NEGR1: variants seen among roughly 807,000 people sequenced by gnomAD.
NEGR1 encodes IgLON family member 4.
NEGR1 carries 10 observed loss-of-function variants against 40.9 expected under a neutral mutation model. The ratio of observed to expected loss-of-function variants is 0.24; its 90% CI spans 0.15 to 0.42. The LOEUF (loss-of-function observed/expected upper bound fraction) is 0.42, where lower values mean the gene tolerates loss of function less well. Among genes scored for constraint, NEGR1 ranks in the 10% least tolerant of loss-of-function variants. NEGR1 has a pLI of 1.00. For missense variants in NEGR1, 352 were observed against 438.9 expected (o/e 0.80, Z 1.77); for synonymous variants, 185 against 166.8 (o/e 1.11, Z -0.84).
At chr1:71,753,097 TAA>T (rs1404733406) in intron 3 of NEGR1, among the ~76,000 whole-genome samples, 1 of 152,120 alleles carries the variant, frequency 6.6e-6, no homozygotes. Flanking sequence ...GATGAAATAC[TAA>T]GAGTCCCAGG....
In NEGR1 at chr1:71,948,332, C is replaced by T. The variant is rs551189974; in HGVS notation, c.177-13021G>A. Among the ~76,000 whole-genome samples, 50 of 151,830 alleles carry T rather than the reference C, an allele frequency of 3.3e-4. 1 individual carries two copies. In the South Asian group the frequency reaches 4.6e-3, roughly 14 times the overall value. Reference sequence around the variant, plus strand: ...ACTTTAGAAAAACTTAAGCTGATATCCATATATTATAAATATTTATTTTTA... The same window carrying T: ...ACTTTAGAAAAACTTAAGCTGATATTCATATATTATAAATATTTATTTTTA... On this transcript the variant is annotated intron_variant, in intron 1 of 6. Coordinates refer to ENST00000357731, the MANE Select transcript of NEGR1 (RefSeq NM_173808.3).
intron 3 of NEGR1, among the ~76,000 whole-genome samples, chr1:71,729,532 A>C (rs1340993049): frequency 6.6e-6 from 1 of 152,164 alleles, no homozygotes; most frequent in Non-Finnish European, 1.5e-5. Context: ...GCTTTTAATA[A>C]ATACCTGTTG....
intron 6 of NEGR1, among the ~76,000 whole-genome samples, chr1:71,453,451 G>T (rs1037557125): frequency 2.0e-5 from 3 of 152,134 alleles, no homozygotes; most frequent in Non-Finnish European, 4.4e-5. Flanking sequence ...ACTCAACATA[G>T]CATGTTTAGT....
At chr1:71,732,459 A>G (rs902945241) in intron 3 of NEGR1, among the ~76,000 whole-genome samples, 2 of 151,846 alleles carry the variant, frequency 1.3e-5, no homozygotes, top group African/African-American at 4.8e-5. Context: ...ACTGCCTTAA[A>G]TTAATTAGCC....
intron 6 of NEGR1, chr1:71,463,245 GA>G (rs1646725341): frequency 6.6e-6 from 1 of 152,112 alleles, no homozygotes; most frequent in East Asian, 1.9e-4. Flanking sequence ...AGGAGACTGG[GA>G]AATGCAGGGA....
chr1:71,823,731 T>TAAG (rs1658515368), intron 2 of NEGR1, among the ~76,000 whole-genome samples: 1 of 152,020 alleles, frequency 6.6e-6, no homozygotes, highest in South Asian at 2.1e-4. Context: ...TTTATATCCT[T>TAAG]AAGAAAAGCC....
intron 2 of NEGR1, among the ~76,000 whole-genome samples, chr1:71,915,595 C>T (rs766606652): frequency 7.9e-5 from 12 of 152,056 alleles, no homozygotes; most frequent in Admixed American, 2.0e-4. Context: ...GGGTTTCATT[C>T]TCCACAAAAC....
intron 1 of NEGR1, among the ~76,000 whole-genome samples, chr1:72,139,565 C>A (rs986998271): frequency 2.0e-5 from 3 of 151,854 alleles, no homozygotes; most frequent in African/African-American, 7.2e-5. Context: ...TTTAAAGAAA[C>A]AAAATATGAA....
intron 2 of NEGR1, among the ~76,000 whole-genome samples, chr1:71,853,012 G>T (rs1467694657): frequency 2.0e-5 from 3 of 152,048 alleles, no homozygotes; most frequent in Non-Finnish European, 2.9e-5. Flanking sequence ...TAAAGTTAAA[G>T]AAATTTCTAA....
intron 1 of NEGR1, among the ~76,000 whole-genome samples, chr1:72,082,005 A>G (rs1404497278): frequency 6.6e-6 from 1 of 152,164 alleles, no homozygotes; most frequent in East Asian, 1.9e-4. Flanking sequence ...AGCAAGCTGT[A>G]TACATGGTGA....
chr1:72,017,126 ATGTGTGTG>A lies in NEGR1; in HGVS notation c.177-81823_177-81816del, dbSNP rs143863573. 5.3e-4 allele frequency among the ~76,000 whole-genome samples: 78 copies of A among 146,836 alleles called. No homozygotes were observed. The South Asian group carries it at 8.4e-3, about 16-fold the overall frequency. ...AATACACACATATATATACACATAT[ATGTGTGTG>A]TGTGTGTGTGTGTGTGTGTGTGTAA... On this transcript the variant is annotated intron_variant, in intron 1 of 6. Transcript: ENST00000357731.
chr1:71,713,073 A>G (rs898303867), intron 3 of NEGR1, among the ~76,000 whole-genome samples: 3 of 152,238 alleles, frequency 2.0e-5, no homozygotes, highest in African/African-American at 4.8e-5. Flanking sequence ...CCAGTATATT[A>G]TAAAATGATT....
intron 1 of NEGR1, among the ~76,000 whole-genome samples, chr1:72,068,288 T>G (rs149559157): frequency 6.6e-6 from 1 of 152,210 alleles, no homozygotes. Flanking sequence ...CAGGATCCAA[T>G]CTGGTTGAGC....
chr1:71,827,364 A>G (rs981011689), intron 2 of NEGR1, among the ~76,000 whole-genome samples: 3 of 151,868 alleles, frequency 2.0e-5, no homozygotes, highest in African/African-American at 7.2e-5. Context: ...TCCATTTGCC[A>G]AGTAAATTAA....
At chr1:72,261,879 C>G (rs550869303) in intron 1 of NEGR1, among the ~76,000 whole-genome samples, 10 of 151,916 alleles carry the variant, frequency 6.6e-5, no homozygotes, top group East Asian at 5.8e-4. Flanking sequence ...AGGGTAGGAC[C>G]AGGTGAGGGA....
chr1:71,479,877 C>T (rs943472080), intron 6 of NEGR1, among the ~76,000 whole-genome samples: 2 of 151,774 alleles, frequency 1.3e-5, no homozygotes, highest in African/African-American at 2.4e-5. Flanking sequence ...TTAGTAGTTC[C>T]GTGATTGCTT....
At chr1:71,506,980 T>A (rs552690005) in intron 6 of NEGR1, among the ~76,000 whole-genome samples, 1 of 152,292 alleles carries the variant, frequency 6.6e-6, no homozygotes, top group South Asian at 2.1e-4. Flanking sequence ...TATATACTGA[T>A]TCTAAATGTG....
chr1:72,168,007 T>TTA (rs1553147306), intron 1 of NEGR1, among the ~76,000 whole-genome samples: 342 of 68,950 alleles, frequency 5.0e-3, no homozygotes, highest in African/African-American at 0.017. Context: ...TTATTATTAT[T>TTA]TTTTTTTTTT....
intron 2 of NEGR1, among the ~76,000 whole-genome samples, chr1:71,913,424 C>G (rs1474744443): frequency 1.3e-5 from 2 of 152,046 alleles, no homozygotes; most frequent in Non-Finnish European, 2.9e-5. Context: ...CGGAAGCAAT[C>G]CTTTTTTACA....
Sources: allele counts gnomAD v4.1 joint callset (sites outside exome capture counted in the v4.1 genomes callset), GRCh38; gene constraint gnomAD v4.1.1; transcripts MANE v1.5; gene names NCBI Gene and HGNC (gene_info 2026-07-23, HGNC 2026-07-21).